Variants in EHD4 observed in about 807,000 individuals in gnomAD.
EHD4 encodes the protein EH domain-containing protein 4.
In EHD4, 37 loss-of-function variants were observed where a neutral mutation model predicts 51.0. The observed-to-expected ratio is 0.73, with a 90% CI of 0.56 to 0.95. The LOEUF is 0.95. EHD4 is among the 40% of genes least tolerant of loss of function. The probability of loss-of-function intolerance (pLI) is 0.00; values close to 1 mark genes in which losing one functional copy is unlikely to be tolerated. For missense variants in EHD4, 632 were observed against 733.1 expected, an observed-to-expected ratio of 0.86 and a Z score of 1.59; for synonymous variants, 297 against 317.3, an observed-to-expected ratio of 0.94 and a Z score of 0.68.
chr15:41,919,632 GAGA>G lies in EHD4; in HGVS notation c.512-13_512-11del. On this transcript the variant is annotated splice_polypyrimidine_tract_variant and intron_variant, in intron 3 of 5. Coordinates refer to ENST00000220325, the MANE Select transcript of EHD4 (RefSeq NM_139265.4). ...TGGCAGAAGTCATAGCCTGGGTGGAGAGAAGGACACGTCAGTGTAGCCACTGCT... is the reference window on the plus strand; with the variant it reads ...TGGCAGAAGTCATAGCCTGGGTGGAGAGGACACGTCAGTGTAGCCACTGCT... 1 of 1,508,856 alleles carries G rather than the reference GAGA, an allele frequency of 6.6e-7. No individual in the cohort carries two copies. The highest frequency in any genetic ancestry group is 1.4e-5 in the South Asian group (1 of 72,870). The allele number at this position is 1,508,856 out of a possible 1,614,324, so 93.5% of individuals were successfully genotyped here.
chr15:41,903,918 T>A (rs1487012433), intron 5 of EHD4, among the ~76,000 whole-genome samples: 1 of 152,094 alleles, frequency 6.6e-6, no homozygotes, highest in Non-Finnish European at 1.5e-5. Flanking sequence ...TCAAACGCAG[T>A]CACTAGCATG....
intron 1 of EHD4, among the ~76,000 whole-genome samples, chr15:41,964,144 CA>C (rs755699829): frequency 0.11 from 2,791 of 26,574 alleles, 22 homozygotes; most frequent in African/African-American, 0.29. Flanking sequence ...GACTCCATCT[CA>C]AAAAAAAAAA....
intron 5 of EHD4, among the ~76,000 whole-genome samples, chr15:41,904,842 G>A (rs1017069461): frequency 1.6e-4 from 25 of 152,194 alleles, no homozygotes; most frequent in African/African-American, 5.5e-4. Flanking sequence ...TGTCAGTCAC[G>A]GTCCCTCCCC....
chr15:41,951,380 CT>C (rs2067851509), intron 2 of EHD4, among the ~76,000 whole-genome samples: 1 of 152,126 alleles, frequency 6.6e-6, no homozygotes, highest in Non-Finnish European at 1.5e-5. Flanking sequence ...GTTTTAAATT[CT>C]GAGACAAGAG....
intron 1 of EHD4, among the ~76,000 whole-genome samples, chr15:41,970,726 G>A (rs949220441): frequency 2.0e-5 from 3 of 152,196 alleles, no homozygotes; most frequent in Admixed American, 1.3e-4. Context: ...CAAACAGGAG[G>A]AAATGCCTAG....
chr15:41,954,344 G>A (rs1392497832), intron 1 of EHD4, among the ~76,000 whole-genome samples: 1 of 152,204 alleles, frequency 6.6e-6, no homozygotes, highest in Admixed American at 6.5e-5. Context: ...AACCATGCCA[G>A]GAGGATGATC....
intron 1 of EHD4, among the ~76,000 whole-genome samples, chr15:41,966,256 C>T (rs1326520356): frequency 6.6e-6 from 1 of 152,158 alleles, no homozygotes; most frequent in Non-Finnish European, 1.5e-5. Context: ...CTCACAGGCA[C>T]ACCTCTTGGC....
chr15:41,969,518 C>T (rs2067983010), intron 1 of EHD4, among the ~76,000 whole-genome samples: 1 of 151,854 alleles, frequency 6.6e-6, no homozygotes, highest in Non-Finnish European at 1.5e-5. Context: ...GGCACTCCAG[C>T]CTGGGCAACA....
intron 5 of EHD4, among the ~76,000 whole-genome samples, chr15:41,901,745 T>C (rs1419336588): frequency 1.3e-5 from 2 of 152,140 alleles, no homozygotes; most frequent in Non-Finnish European, 2.9e-5. Flanking sequence ...AAAAATGTAG[T>C]GTAGGACAGC....
In EHD4 at chr15:41,945,077, C is replaced by T. The variant is rs75978546; in HGVS notation, c.414-1913G>A. On this transcript the variant is annotated intron_variant, in intron 2 of 5. Transcript: ENST00000220325. The stretch of plus-strand genomic sequence containing the variant: ...CTCTGGGCACATCCGTGGTGAACCT[C>T]GTTTCTTGTCAGGAATGATTGTCTC... Among the ~76,000 whole-genome samples, 247 of 152,316 alleles carry T rather than the reference C, an allele frequency of 1.6e-3. 1 individual carries two copies. Among genetic ancestry groups the T allele is most frequent in the Non-Finnish European group, 2.8e-3 (188 of 68,026 alleles).
chr15:41,955,001 C>T (rs571915322), intron 1 of EHD4, among the ~76,000 whole-genome samples: 1 of 152,296 alleles, frequency 6.6e-6, no homozygotes, highest in African/African-American at 2.4e-5. Context: ...TGCTAGTTTT[C>T]ACTTCATCCA....
At chr15:41,911,566 AC>A (rs1367475831) in intron 4 of EHD4, among the ~76,000 whole-genome samples, 2 of 152,192 alleles carry the variant, frequency 1.3e-5, no homozygotes, top group African/African-American at 4.8e-5. Flanking sequence ...CCAGCTGCTC[AC>A]CAGCTGTCCT....
chr15:41,913,721 A>C (rs1440810706), intron 4 of EHD4, among the ~76,000 whole-genome samples: 1 of 152,208 alleles, frequency 6.6e-6, no homozygotes, highest in Non-Finnish European at 1.5e-5. Context: ...TCCTTACCAA[A>C]TAATTAATAA....
intron 3 of EHD4, chr15:41,928,260 GCA>G (rs2067675796): frequency 1.3e-5 from 2 of 152,202 alleles, no homozygotes; most frequent in Admixed American, 1.3e-4. Flanking sequence ...CTACATTCCT[GCA>G]CTGCCCTGTG....
At chr15:41,942,285 T>G (rs1242798851) in intron 3 of EHD4, 1 of 150,180 alleles carries the variant, frequency 6.7e-6, no homozygotes, top group Admixed American at 6.7e-5. Context: ...TTCGCTCTTT[T>G]GCCCACAGGC....
At position 41,961,609 on chromosome 15, in the gene EHD4, G is replaced by C. The variant is rs1310911089; in HGVS notation, c.237-7669C>G. Among the ~76,000 whole-genome samples the C allele has an allele frequency of 2.6e-5, 4 of 152,136 alleles. No homozygotes were observed. In the East Asian group the frequency reaches 7.7e-4, roughly 29 times the overall value. On this transcript the variant is annotated intron_variant, in intron 1 of 5. Transcript: ENST00000220325. The stretch of plus-strand genomic sequence containing the variant: ...CACAGAACATAGGTTAAAGGAAAAG[G>C]CTAAAAGGCATCTAACAAACTCCAT...
chr15:41,964,767 A>AT (rs1389290709), intron 1 of EHD4, among the ~76,000 whole-genome samples: 1,961 of 116,068 alleles, frequency 0.017, 18 homozygotes, highest in Middle Eastern at 0.029. Flanking sequence ...CTGAAAAAAA[A>AT]AAAAAATATA....
intron 4 of EHD4, 147 bp downstream of exon 4, chr15:41,919,063 C>A (rs1300203676): frequency 9.5e-7 from 1 of 1,056,884 alleles, no homozygotes; most frequent in African/African-American, 1.6e-5. Flanking sequence ...AGCAGGGCCA[C>A]CTGACCTCGA....
At chr15:41,921,365 A>C (rs2067623964) in intron 3 of EHD4, 1 of 152,186 alleles carries the variant, frequency 6.6e-6, no homozygotes, top group Non-Finnish European at 1.5e-5. Context: ...GGTCAGAGGA[A>C]TATCAAAGAC....
Sources: allele counts gnomAD v4.1 joint callset (sites outside exome capture counted in the v4.1 genomes callset), GRCh38; gene constraint gnomAD v4.1.1; transcripts MANE v1.5; gene names NCBI Gene and HGNC (gene_info 2026-07-23, HGNC 2026-07-21).